The following NIPAL2 variants were observed in gnomAD, a reference collection of about 807,000 sequenced individuals.
NIPAL2 encodes the protein NIPA like domain containing 2.
A neutral mutation model predicts 48.9 loss-of-function variants in NIPAL2; 43 were observed. That is an observed-to-expected ratio of 0.88 (90% CI 0.69 to 1.13). The LOEUF (loss-of-function observed/expected upper bound fraction) is 1.13. Ranked by LOEUF, NIPAL2 falls within the 50% of genes most tolerant of loss-of-function variation. The pLI is 0.00. For synonymous variants in NIPAL2, 167 were observed against 174.6 expected (o/e 0.96, Z 0.34); for missense variants, 446 against 461.4 (o/e 0.97, Z 0.31).
chr8:98,239,910 A>G (rs999081413), intron 3 of NIPAL2, among the ~76,000 whole-genome samples: 1 of 152,214 alleles, frequency 6.6e-6, no homozygotes, highest in African/African-American at 2.4e-5. Flanking sequence ...GAAAAACATC[A>G]ACTGAAGTAC....
At chr8:98,270,564 T>C (rs1033175475) in intron 1 of NIPAL2, among the ~76,000 whole-genome samples, 5 of 152,178 alleles carry the variant, frequency 3.3e-5, no homozygotes, top group Admixed American at 3.3e-4. Flanking sequence ...ACGTTCCTTA[T>C]AGATTTTGGA....
At chr8:98,213,442 T>C (rs116122982) in intron 5 of NIPAL2, among the ~76,000 whole-genome samples, 2 of 152,116 alleles carry the variant, frequency 1.3e-5, no homozygotes, top group Non-Finnish European at 2.9e-5. Context: ...ACTAGACCCA[T>C]TCATTCCTTT....
At chr8:98,293,711 G>A (rs1178520662) in intron 1 of NIPAL2, among the ~76,000 whole-genome samples, 3 of 152,224 alleles carry the variant, frequency 2.0e-5, no homozygotes, top group Non-Finnish European at 4.4e-5. Flanking sequence ...GGGGAGGCGG[G>A]ATCGGGACCC....
At chr8:98,273,427 CT>C (rs1479564304) in intron 1 of NIPAL2, among the ~76,000 whole-genome samples, 1 of 151,934 alleles carries the variant, frequency 6.6e-6, no homozygotes, top group Non-Finnish European at 1.5e-5. Context: ...ATAAAATGTT[CT>C]AAAATTAATT....
intron 5 of NIPAL2, among the ~76,000 whole-genome samples, chr8:98,220,964 C>CTTTTTTTTTTTTTTTTTT (rs557824737): frequency 1.5e-5 from 1 of 68,666 alleles, no homozygotes; most frequent in Non-Finnish European, 2.5e-5. Flanking sequence ...TCATTTCATT[C>CTTTTTTTTTTTTTTTTTT]TTTTTTTTTT....
intron 1 of NIPAL2, among the ~76,000 whole-genome samples, chr8:98,257,620 C>G (rs1257540737): frequency 6.6e-6 from 1 of 152,040 alleles, no homozygotes; most frequent in Non-Finnish European, 1.5e-5. Flanking sequence ...AATCAATGTT[C>G]TGTAGAGAAT....
chr8:98,211,037 GAGCAGATATTAGGGGAAGGA>G (rs1162678321), intron 6 of NIPAL2, among the ~76,000 whole-genome samples: 1 of 152,160 alleles, frequency 6.6e-6, no homozygotes, highest in African/African-American at 2.4e-5. Flanking sequence ...GGGTTGAGAG[GAGCAGATATTAGGGGAAGGA>G]AGCATGGTGG....
intron 1 of NIPAL2, among the ~76,000 whole-genome samples, chr8:98,274,933 T>C (rs1268796708): frequency 2.0e-5 from 3 of 152,138 alleles, no homozygotes; most frequent in African/African-American, 7.2e-5. Flanking sequence ...TAGGAAGTTA[T>C]ACATCTTATT....
At position 98,253,058 on chromosome 8, in the gene NIPAL2, A is replaced by T. The variant is rs180786827; in HGVS notation, c.205-424T>A. Among the ~76,000 whole-genome samples, 63 of 152,112 alleles carry T rather than the reference A, an allele frequency of 4.1e-4. 1 individual carries two copies. The highest frequency in any genetic ancestry group is 1.5e-3 in the African/African-American group (62 of 41,498). On this transcript the variant is annotated intron_variant, in intron 2 of 10. Coordinates refer to ENST00000430223, the MANE Select transcript of NIPAL2 (RefSeq NM_001321635.2). ...GATGCTCCCTGTCCCTTGGTCATTCAGTGGCCCTCTCGGTTATCAGATCAG... is the reference window on the plus strand; with the variant it reads ...GATGCTCCCTGTCCCTTGGTCATTCTGTGGCCCTCTCGGTTATCAGATCAG...
chr8:98,255,770 A>G (rs904301946), intron 1 of NIPAL2, among the ~76,000 whole-genome samples: 6 of 152,232 alleles, frequency 3.9e-5, no homozygotes, highest in Non-Finnish European at 8.8e-5. Context: ...AATCAGGAAA[A>G]TGAAGACTGA....
At chr8:98,287,115 A>C (rs1778016548) in intron 1 of NIPAL2, among the ~76,000 whole-genome samples, 1 of 152,204 alleles carries the variant, frequency 6.6e-6, no homozygotes, top group African/African-American at 2.4e-5. Flanking sequence ...GGAAAAAAAA[A>C]CAAGCTAAAA....
At chr8:98,211,733 AGTGTGTGTGTGTGTGT>A (rs1156409051) in intron 6 of NIPAL2, among the ~76,000 whole-genome samples, 6 of 109,104 alleles carry the variant, frequency 5.5e-5, no homozygotes, top group Non-Finnish European at 9.0e-5. Context: ...AGAGAGAGAA[AGTGTGTGTGTGTGTGT>A]GTGTGTGTGT....
intron 8 of NIPAL2, among the ~76,000 whole-genome samples, chr8:98,201,586 T>G (rs1416883644): frequency 2.0e-5 from 3 of 152,092 alleles, no homozygotes; most frequent in Non-Finnish European, 4.4e-5. Context: ...GACATCTTGC[T>G]ATGTTCCCAG....
chr8:98,194,690 G>T, intron 10 of NIPAL2, 38 bp downstream of exon 10: 1 of 1,148,762 alleles, frequency 8.7e-7, no homozygotes, highest in East Asian at 2.6e-5. Context: ...TCATTTATAA[G>T]GATCAAATTT....
Position 98,193,047 on chromosome 8 carries a change from T to A in NIPAL2, c.1083A>T (p.Leu361Phe), listed in dbSNP as rs757209970. The A allele has an allele frequency of 3.1e-6, 5 of 1,614,118 alleles. No homozygotes were observed. The change falls in exon 11 of 11, where the codon TTA becomes TTT. Residue 361 changes from leucine to phenylalanine, a missense_variant. Transcript: ENST00000430223. ...TTCCATCAGGCAAAGTTCCATAGGA[T>A]AAGCTATGTGAATCTGGTTGTATTT... ...LDKIQPDSHS[L>F]SYGTLPDGSD...
At chr8:98,240,943 A>C (rs1812951106) in intron 3 of NIPAL2, among the ~76,000 whole-genome samples, 2 of 152,064 alleles carry the variant, frequency 1.3e-5, no homozygotes, top group Non-Finnish European at 2.9e-5. Context: ...TATTTCCTCA[A>C]CCGGTGAAAG....
intron 3 of NIPAL2, chr8:98,251,682 T>C (rs960347598): frequency 3.9e-5 from 6 of 152,246 alleles, no homozygotes; most frequent in Non-Finnish European, 8.8e-5. Flanking sequence ...TATAGTTGTT[T>C]AGGAGGAACA....
intron 1 of NIPAL2, among the ~76,000 whole-genome samples, chr8:98,266,791 G>T (rs920763631): frequency 2.6e-5 from 4 of 151,752 alleles, no homozygotes; most frequent in Non-Finnish European, 5.9e-5. Flanking sequence ...AAAAAATAAA[G>T]AAAGAAAACA....
intron 4 of NIPAL2, among the ~76,000 whole-genome samples, 194 bp downstream of exon 4, chr8:98,235,961 C>T (rs555703163): frequency 2.1e-3 from 312 of 151,952 alleles, no homozygotes; most frequent in African/African-American, 7.2e-3. Context: ...TAGCAGTAGT[C>T]ACAATAGAAA....
Sources: allele counts gnomAD v4.1 joint callset (sites outside exome capture counted in the v4.1 genomes callset), GRCh38; gene constraint gnomAD v4.1.1; transcripts MANE v1.5; gene names NCBI Gene and HGNC (gene_info 2026-07-23, HGNC 2026-07-21).